The following HPS4 variants were observed in gnomAD, a reference collection of about 807,000 sequenced individuals.
HPS4 encodes the protein BLOC-3 complex member HPS4.
Under a neutral mutation model 70.3 loss-of-function variants are expected in HPS4, and 44 were observed. The observed-to-expected ratio is 0.63, with a 90% confidence interval of 0.49 to 0.80. The LOEUF (loss-of-function observed/expected upper bound fraction) is 0.80, where lower values mean the gene tolerates loss of function less well. Ranked by LOEUF, HPS4 falls within the 30% of genes least tolerant of loss-of-function variation. The pLI is 0.00. For missense variants in HPS4, 873 were observed against 884.4 expected (o/e 0.99, Z 0.16); for synonymous variants, 377 against 355.9 (o/e 1.06, Z -0.67).
At chr22:26,467,104 T>C (rs1411491212) in intron 8 of HPS4, 1 of 152,230 alleles carries the variant, frequency 6.6e-6, no homozygotes, top group Non-Finnish European at 1.5e-5. Context: ...TAAAATTTCA[T>C]ATTTCTGCTT....
downstream of HPS4, chr22:26,443,464 A>G (rs1289812733): frequency 1.4e-5 from 6 of 428,578 alleles, no homozygotes; most frequent in East Asian, 2.9e-4. Flanking sequence ...CTGGCCTAAC[A>G]GCGCATTCCT....
chr22:26,450,150 C>T (rs1238374465), downstream of HPS4, among the ~76,000 whole-genome samples: 1 of 152,206 alleles, frequency 6.6e-6, no homozygotes, highest in Non-Finnish European at 1.5e-5. Context: ...ATCCTTCACT[C>T]AACCACATCT....
intron 11 of HPS4, among the ~76,000 whole-genome samples, chr22:26,463,455 C>T (rs1263481123): frequency 2.0e-5 from 3 of 152,214 alleles, no homozygotes; most frequent in South Asian, 2.1e-4. Flanking sequence ...ACAACACATG[C>T]ACGTACGTGT....
downstream of HPS4, among the ~76,000 whole-genome samples, chr22:26,450,159 C>T (rs1460329126): frequency 6.6e-6 from 1 of 152,240 alleles, no homozygotes; most frequent in African/African-American, 2.4e-5. Flanking sequence ...TCAACCACAT[C>T]TGCAAACATC....
chr22:26,466,500 C>T (rs1471948509), intron 8 of HPS4: 3 of 610,772 alleles, frequency 4.9e-6, no homozygotes, highest in African/African-American at 3.7e-5. Context: ...AGCAGCTCCA[C>T]CCAAACTCAC....
chr22:26,479,554 AT>A, intron 2 of HPS4, 199 bp from the exon 3 acceptor site: 1 of 1,415,096 alleles, frequency 7.1e-7, no homozygotes, highest in Non-Finnish European at 9.2e-7. Context: ...CAAACTAAAA[AT>A]ATGCCTCTAT....
intron 6 of HPS4, among the ~76,000 whole-genome samples, chr22:26,471,911 T>C (rs1383440612): frequency 3.3e-5 from 5 of 152,196 alleles, no homozygotes; most frequent in Non-Finnish European, 7.4e-5. Context: ...GACAGCAACC[T>C]TGTTTTTGAA....
At position 26,472,376 on chromosome 22, in the gene HPS4, T is replaced by C. The variant is rs754216377; in HGVS notation, c.427A>G (p.Ile143Val). 7.9e-5 allele frequency: 127 copies of C among 1,613,786 alleles called. No homozygotes were observed. The highest frequency in any genetic ancestry group is 1.1e-4 in the African/African-American group (8 of 74,938). The change falls in exon 6 of 14, where the codon ATC (isoleucine) becomes GTC (valine). Residue 143 changes from isoleucine to valine, a missense_variant. Transcript: ENST00000398145. ...CTGGTGTTTTTCAGAATTTGCTCGA[T>C]GAAGGTGTCCCACTCCGTGCTCAGT... ...EELSTEWDTF[I>V]EQILKNTSDL...
chr22:26,452,864 G>C lies in HPS4; in HGVS notation c.*369C>G, dbSNP rs886057316. 6.4e-6 allele frequency: 2 copies of C among 310,338 alleles called. No homozygotes were observed. Among genetic ancestry groups the C allele is most frequent in the African/African-American group, 4.4e-5 (2 of 45,738 alleles). The allele number at this position is 310,338 out of a possible 1,614,324, so 19.2% of individuals were successfully genotyped here. On this transcript the variant is annotated 3_prime_UTR_variant, in exon 14 of 14. Transcript: ENST00000398145. ...ACACACACACTCTGGGCTAGTGGAC[G>C]ATCAGGTTCTAGAAAAAATGCCAAC...
chr22:26,477,877 T>G lies in HPS4; in HGVS notation c.133-741A>C, dbSNP rs73419386. Among the ~76,000 whole-genome samples, 620 of 152,232 alleles carry G rather than the reference T, an allele frequency of 4.1e-3. 6 individuals carry two copies. Among genetic ancestry groups the G allele is most frequent in the African/African-American group, 0.014 (596 of 41,522 alleles). ...TGGTTTCTTCAATAATTCAATGGCA[T>G]AGAGGAGGGGGAAAAAGATGAGTGG... On this transcript the variant is annotated intron_variant, in intron 3 of 13. Transcript: ENST00000398145.
At chr22:26,483,304 A>G (rs2091486415) in intron 1 of HPS4, among the ~76,000 whole-genome samples, 1 of 152,222 alleles carries the variant, frequency 6.6e-6, no homozygotes, top group African/African-American at 2.4e-5. Context: ...GGTCCAGAAG[A>G]GACCAATAAT....
At chr22:26,450,509 G>A (rs917193418), downstream of HPS4, among the ~76,000 whole-genome samples, 12 of 152,268 alleles carry the variant, frequency 7.9e-5, no homozygotes, top group Non-Finnish European at 1.5e-4. Context: ...CTTCCCTCCA[G>A]GGGAGGAGAC....
intron 1 of HPS4, among the ~76,000 whole-genome samples, chr22:26,482,468 G>A (rs2091384359): frequency 6.6e-6 from 1 of 152,160 alleles, no homozygotes; most frequent in Non-Finnish European, 1.5e-5. Context: ...AAATGACAGG[G>A]TGAAAATGCT....
At chr22:26,475,905 T>C (rs1037378959) in intron 4 of HPS4, 7 of 152,004 alleles carry the variant, frequency 4.6e-5, no homozygotes, top group African/African-American at 1.4e-4. Context: ...TAGCCGGGCA[T>C]GGTGGTGCAT....
Position 26,468,638 on chromosome 22 carries a change from A to G in HPS4, c.597-15T>C, listed in dbSNP as rs745761056. ...TGCTGACAATCCTAGGAGGTCACAC[A>G]CAGAACAAGAACACCATGAGACGAA... On this transcript the variant is annotated splice_polypyrimidine_tract_variant and intron_variant, in intron 7 of 13. Coordinates refer to ENST00000398145, the MANE Select transcript of HPS4 (RefSeq NM_022081.6). 1.9e-6 allele frequency: 3 copies of G among 1,612,176 alleles called. No individual in the cohort carries two copies. The highest frequency in any genetic ancestry group is 3.3e-5 in the Admixed American group (2 of 60,004).
rs549346956 is a variant in HPS4 at position 26,445,202 on chromosome 22, T to C, written n.519-508A>G. On this transcript the variant is annotated intron_variant and non_coding_transcript_variant, in intron 3 of 3. Transcript: ENST00000493455. ...CAAACAAACTAGCTGAGTGTGGTGG[T>C]GCACACCTGTAGTCCCAGCTATTTG... 5.9e-5 allele frequency among the ~76,000 whole-genome samples: 9 copies of C among 152,230 alleles called. No homozygotes were observed. The South Asian group carries it at 1.7e-3, about 28-fold the overall frequency.
rs2084926132 is a variant in HPS4 at position 26,445,538 on chromosome 22, A to C, written n.519-844T>G. Among the ~76,000 whole-genome samples, 4 of 152,206 alleles carry C rather than the reference A, an allele frequency of 2.6e-5. 1 individual carries two copies. The South Asian group carries it at 6.2e-4, about 24-fold the overall frequency. Reference sequence around the variant, plus strand: ...GCAATAGATGTCTAACTGGGCAAAGAAGAACAAGGACCCTGGCTTCAGAAA... The same window carrying C: ...GCAATAGATGTCTAACTGGGCAAAGCAGAACAAGGACCCTGGCTTCAGAAA... On this transcript the variant is annotated intron_variant and non_coding_transcript_variant, in intron 3 of 3. Transcript: ENST00000493455.
chr22:26,460,884 T>C (rs980337963), intron 11 of HPS4, among the ~76,000 whole-genome samples: 1 of 152,252 alleles, frequency 6.6e-6, no homozygotes, highest in Admixed American at 6.5e-5. Flanking sequence ...TCCATGTCCA[T>C]AAATAATTAC....
At chr22:26,475,254 C>T (rs1006033266) in intron 4 of HPS4, 2 of 151,766 alleles carry the variant, frequency 1.3e-5, no homozygotes, top group African/African-American at 2.4e-5. Context: ...GGAACGAACG[C>T]TGATAGATGC....
Sources: allele counts gnomAD v4.1 joint callset (sites outside exome capture counted in the v4.1 genomes callset), GRCh38; gene constraint gnomAD v4.1.1; transcripts MANE v1.5; gene names NCBI Gene and HGNC (gene_info 2026-07-23, HGNC 2026-07-21).